Variants in PIK3R3 observed in about 807,000 individuals in gnomAD.
The protein encoded by PIK3R3 is phosphoinositide-3-kinase regulatory subunit 3, also known as phosphatidylinositol 3-kinase regulatory subunit gamma.
Under a neutral mutation model 62.9 loss-of-function variants are expected in PIK3R3, and 64 were observed. The ratio of observed to expected loss-of-function variants is 1.02; its 90% CI spans 0.83 to 1.25. The LOEUF (loss-of-function observed/expected upper bound fraction) is 1.25. PIK3R3 is among the 50% of genes most tolerant of loss of function. The pLI is 0.00. For missense variants in PIK3R3, 614 were observed against 561.6 expected (o/e 1.09, Z -0.94); for synonymous variants, 165 against 189.0 (o/e 0.87, Z 1.04).
At chr1:46,129,596 A>G (rs932638276) in intron 1 of PIK3R3, among the ~76,000 whole-genome samples, 2 of 152,152 alleles carry the variant, frequency 1.3e-5, no homozygotes, top group Non-Finnish European at 1.5e-5. Context: ...GCAGTCCAGG[A>G]AGGAAATAAT....
intron 4 of PIK3R3, 72 bp from the exon 5 acceptor site, chr1:46,066,251 A>C: frequency 9.1e-7 from 1 of 1,096,308 alleles, no homozygotes; most frequent in South Asian, 1.5e-5. Context: ...TTCCACATCT[A>C]TTTTTTAAAG....
the PIK3R3 span, among the ~76,000 whole-genome samples, chr1:46,163,225 G>T: frequency 1.3e-5 from 2 of 152,204 alleles, no homozygotes; most frequent in East Asian, 1.9e-4. Flanking sequence ...TCTTTAGACA[G>T]AATCTATCAC....
chr1:46,140,973 A>G, the PIK3R3 span, among the ~76,000 whole-genome samples: 2,225 of 151,990 alleles, frequency 0.015, 30 homozygotes, highest in Non-Finnish European at 0.025. Flanking sequence ...CAGTCCTCCC[A>G]CCTCAGCCTC....
At chr1:46,156,832 C>T in the PIK3R3 span, among the ~76,000 whole-genome samples, 4 of 152,204 alleles carry the variant, frequency 2.6e-5, no homozygotes, top group African/African-American at 9.7e-5. Context: ...CCATCTCCTA[C>T]CATGCCTCAA....
chr1:46,094,668 G>A (rs921270231), intron 1 of PIK3R3, among the ~76,000 whole-genome samples: 4 of 152,174 alleles, frequency 2.6e-5, no homozygotes, highest in African/African-American at 7.2e-5. Context: ...GCTCATGCAT[G>A]GACAAATGCT....
the PIK3R3 span, among the ~76,000 whole-genome samples, chr1:46,146,732 C>T: frequency 1.8e-5 from 2 of 111,688 alleles, no homozygotes; most frequent in South Asian, 7.1e-4. Context: ...CACACACACA[C>T]ACACACACAC....
rs148815658 is a variant in PIK3R3 at position 46,119,467 on chromosome 1, A to G, written c.106+12380T>C. On this transcript the variant is annotated intron_variant, in intron 1 of 9. Transcript: ENST00000262741. ...AATTGCCAAAGGACACATGTTAAGA[A>G]GTGGCAGAGGCACAATCTGAACTCA... Among the ~76,000 whole-genome samples, 31 of 152,322 alleles carry G rather than the reference A, an allele frequency of 2.0e-4. 1 individual carries two copies. In the East Asian group the frequency reaches 5.6e-3, roughly 27 times the overall value.
chr1:46,146,541 T>C, the PIK3R3 span, among the ~76,000 whole-genome samples: 1 of 152,088 alleles, frequency 6.6e-6, no homozygotes, highest in African/African-American at 2.4e-5. Flanking sequence ...GGAAAGGTGT[T>C]CAGATGCTAG....
chr1:46,165,390 C>T, the PIK3R3 span, among the ~76,000 whole-genome samples: 1 of 149,748 alleles, frequency 6.7e-6, no homozygotes, highest in African/African-American at 2.5e-5. Flanking sequence ...ACCACAACTT[C>T]CCCCTCCCAG....
chr1:46,166,958 T>C, the PIK3R3 span, among the ~76,000 whole-genome samples: 8 of 152,240 alleles, frequency 5.3e-5, no homozygotes, highest in Non-Finnish European at 1.0e-4. Context: ...CCCGCACTTC[T>C]AGCTGCGTTC....
chr1:46,122,402 C>T (rs576625777), intron 1 of PIK3R3, among the ~76,000 whole-genome samples: 2 of 152,276 alleles, frequency 1.3e-5, no homozygotes, highest in South Asian at 4.1e-4. Context: ...CAGAGTCTCG[C>T]TCTGTCACCC....
Position 46,075,791 on chromosome 1 carries a change from G to A in PIK3R3, c.314+1724C>T, listed in dbSNP as rs941953609. ...ATGGAGGCTGAGAAGTCCCATTACA[G>A]GCCATCTGCAAGCTGGCATGCCAGT... On this transcript the variant is annotated intron_variant, in intron 3 of 9. Transcript: ENST00000262741. Among the ~76,000 whole-genome samples the A allele has an allele frequency of 3.3e-5, 5 of 152,222 alleles. No individual in the cohort carries two copies. In the Middle Eastern group the frequency reaches 0.014, roughly 414 times the overall value.
intron 1 of PIK3R3, among the ~76,000 whole-genome samples, chr1:46,112,227 C>T (rs1653805914): frequency 6.6e-6 from 1 of 152,160 alleles, no homozygotes; most frequent in Non-Finnish European, 1.5e-5. Context: ...TTCTTTATAA[C>T]TTGTTTGTCT....
chr1:46,139,303 C>CTT, the PIK3R3 span, among the ~76,000 whole-genome samples: 374 of 144,594 alleles, frequency 2.6e-3, 2 homozygotes, highest in African/African-American at 8.8e-3. Context: ...CCACGTGCTT[C>CTT]TTTTTTTTTT....
chr1:46,135,861 C>T (rs1312884571), upstream of PIK3R3, among the ~76,000 whole-genome samples: 1 of 151,868 alleles, frequency 6.6e-6, no homozygotes, highest in Non-Finnish European at 1.5e-5. Context: ...GAAACTCCGT[C>T]TATACTAAAA....
chr1:46,066,246 C>A, intron 4 of PIK3R3, 67 bp from the exon 5 acceptor site: 1 of 1,154,232 alleles, frequency 8.7e-7, no homozygotes, highest in Non-Finnish European at 1.2e-6. Flanking sequence ...AGATTTTCCA[C>A]ATCTATTTTT....
Position 46,132,419 on chromosome 1 carries a change from C to G in PIK3R3, c.-467G>C. 1 of 1,144,702 alleles carries G rather than the reference C, an allele frequency of 8.7e-7. No homozygotes were observed. The highest frequency in any genetic ancestry group is 1.1e-6 in the Non-Finnish European group (1 of 919,630). 70.9% of individuals were successfully genotyped at this position (1,144,702 alleles called of 1,614,324 possible). ...AGGCAAAAAAGGGGGCTGGAGATTG[C>G]GTTCAAGTTTCGGGGTCCCACTGGT... On this transcript the variant is annotated 5_prime_UTR_variant, in exon 1 of 10. Transcript: ENST00000262741.
chr1:46,122,492 C>G (rs188337784), intron 1 of PIK3R3, among the ~76,000 whole-genome samples: 9 of 152,248 alleles, frequency 5.9e-5, no homozygotes, highest in African/African-American at 1.9e-4. Context: ...GCCTCAGCCT[C>G]CTGACTAGCT....
chr1:46,104,925 C>CAAAAAAAAAAAAAAAAAAAAAAAAAAAAA, intron 1 of PIK3R3: 1 of 174,146 alleles, frequency 5.7e-6, no homozygotes, highest in Non-Finnish European at 1.1e-5. Context: ...AAGACTCCAT[C>CAAAAAAAAAAAAAAAAAAAAAAAAAAAAA]AAAAAAAAAA....
Sources: gnomAD v4.1 joint callset for allele counts (sites outside exome capture counted in the v4.1 genomes callset) on GRCh38, gnomAD v4.1.1 for gene constraint, MANE v1.5 for transcripts, NCBI Gene and HGNC (gene_info 2026-07-23, HGNC 2026-07-21) for gene names.